The following RAB27B variants were observed in gnomAD, a reference collection of about 807,000 sequenced individuals.
RAB27B encodes the protein RAB27B, member RAS oncogene family.
RAB27B carries 15 observed loss-of-function variants against 24.6 expected under a neutral mutation model. The ratio of observed to expected loss-of-function variants is 0.61; its 90% CI spans 0.41 to 0.94. The LOEUF (loss-of-function observed/expected upper bound fraction) is 0.94. Among genes scored for constraint, RAB27B ranks in the 40% least tolerant of loss-of-function variants. RAB27B has a pLI of 0.00. For missense variants in RAB27B, 261 were observed against 266.8 expected (o/e 0.98, Z 0.15); for synonymous variants, 105 against 92.5 (o/e 1.14, Z -0.78).
Position 54,822,907 on chromosome 18 carries a change from T to G in RAB27B, c.-19-54660T>G, listed in dbSNP as rs149256292. On this transcript the variant is annotated intron_variant, in intron 2 of 4. Transcript: ENST00000586570. ...TTATTTGGGCCTTTCCCACAGCATG[T>G]TCCTCTAACATAAGAAGAAAAAATT... is the stretch of plus-strand genomic sequence containing the variant. 5.5e-3 allele frequency among the ~76,000 whole-genome samples: 831 copies of G among 152,334 alleles called. 9 individuals carry two copies. Among genetic ancestry groups the G allele is most frequent in the African/African-American group, 0.019 (787 of 41,572 alleles).
At chr18:54,822,016 G>A (rs1206361188) in intron 2 of RAB27B, among the ~76,000 whole-genome samples, 1 of 152,140 alleles carries the variant, frequency 6.6e-6, no homozygotes, top group Non-Finnish European at 1.5e-5. Flanking sequence ...ACCTCCCAAA[G>A]TGCTGGGATT....
chr18:54,793,057 C>A (rs947513425), intron 2 of RAB27B, among the ~76,000 whole-genome samples: 5 of 151,258 alleles, frequency 3.3e-5, no homozygotes, highest in African/African-American at 9.7e-5. Context: ...TAAATTGACC[C>A]ATGCAGTTCA....
chr18:54,751,591 C>T (rs1437002802), intron 2 of RAB27B, among the ~76,000 whole-genome samples: 1 of 152,036 alleles, frequency 6.6e-6, no homozygotes, highest in Non-Finnish European at 1.5e-5. Flanking sequence ...TTTAGGAAGT[C>T]ATTGGAATGT....
At chr18:54,789,042 G>T (rs1909174358) in intron 2 of RAB27B, among the ~76,000 whole-genome samples, 1 of 152,162 alleles carries the variant, frequency 6.6e-6, no homozygotes, top group Non-Finnish European at 1.5e-5. Flanking sequence ...ATTTATCCTA[G>T]GTATTGTGCC....
chr18:54,882,830 C>T (rs1978357), intron 3 of RAB27B, among the ~76,000 whole-genome samples: 44,025 of 151,974 alleles, frequency 0.29, 6,469 homozygotes, highest in East Asian at 0.36. Flanking sequence ...CATTACCTTA[C>T]GAGTGATGTC....
In RAB27B at chr18:54,878,385, C is replaced by T. The variant is rs565078145; in HGVS notation, c.153+647C>T. On this transcript the variant is annotated intron_variant, in intron 2 of 5. Coordinates refer to ENST00000262094, the MANE Select transcript of RAB27B (RefSeq NM_004163.4). The stretch of plus-strand genomic sequence containing the variant: ...AGGCACAGAAGCTAGGCCAGATTTA[C>T]TGCCACCCTGGGTATTCTTGATTGC... Among the ~76,000 whole-genome samples the T allele has an allele frequency of 5.9e-5, 9 of 152,318 alleles. No homozygotes were observed. The South Asian group carries it at 1.9e-3, about 32-fold the overall frequency.
At chr18:54,726,913 C>G (rs958109627) in intron 2 of RAB27B, among the ~76,000 whole-genome samples, 17 of 152,120 alleles carry the variant, frequency 1.1e-4, no homozygotes, top group African/African-American at 4.1e-4. Flanking sequence ...AACTAAAAAT[C>G]CATGTTGACC....
chr18:54,754,228 C>T (rs1907929606), intron 2 of RAB27B, among the ~76,000 whole-genome samples: 1 of 152,032 alleles, frequency 6.6e-6, no homozygotes, highest in African/African-American at 2.4e-5. Flanking sequence ...AGTGGTAGCT[C>T]CTCTCTTGTT....
At chr18:54,860,189 C>T (rs988549615) in intron 1 of RAB27B, among the ~76,000 whole-genome samples, 3 of 152,042 alleles carry the variant, frequency 2.0e-5, no homozygotes, top group Admixed American at 2.0e-4. Flanking sequence ...GTTACATACT[C>T]GCGACTGCAG....
intron 1 of RAB27B, among the ~76,000 whole-genome samples, chr18:54,843,294 A>G (rs1911190080): frequency 6.6e-6 from 1 of 152,204 alleles, no homozygotes; most frequent in Non-Finnish European, 1.5e-5. Flanking sequence ...AATGCCCTGT[A>G]GAGTTGATAT....
intron 2 of RAB27B, among the ~76,000 whole-genome samples, chr18:54,743,145 C>T (rs1255226366): frequency 6.6e-6 from 1 of 152,216 alleles, no homozygotes; most frequent in Non-Finnish European, 1.5e-5. Flanking sequence ...TAATTCCACA[C>T]TACTCTGCAG....
intron 1 of RAB27B, among the ~76,000 whole-genome samples, chr18:54,854,767 C>T (rs1911717054): frequency 6.6e-6 from 1 of 152,134 alleles, no homozygotes; most frequent in African/African-American, 2.4e-5. Context: ...CTTTAGTTTA[C>T]ATATAATGTG....
At chr18:54,785,718 G>T (rs920772990) in intron 2 of RAB27B, among the ~76,000 whole-genome samples, 4 of 152,100 alleles carry the variant, frequency 2.6e-5, no homozygotes, top group Non-Finnish European at 4.4e-5. Context: ...GAACATGAAA[G>T]GTATTAAATA....
intron 2 of RAB27B, among the ~76,000 whole-genome samples, chr18:54,769,736 A>G (rs1358870928): frequency 3.9e-5 from 6 of 152,228 alleles, no homozygotes; most frequent in Non-Finnish European, 8.8e-5. Flanking sequence ...TTTGTACTAT[A>G]TAATGTAAAT....
chr18:54,829,580 G>T (rs952132146), intron 1 of RAB27B, among the ~76,000 whole-genome samples: 2 of 152,146 alleles, frequency 1.3e-5, no homozygotes, highest in Admixed American at 6.5e-5. Context: ...TCTGAATTTT[G>T]ATTTTGTTCT....
intron 1 of RAB27B, among the ~76,000 whole-genome samples, chr18:54,832,338 GAAGA>G (rs1209298974): frequency 2.0e-5 from 3 of 152,226 alleles, no homozygotes; most frequent in African/African-American, 7.2e-5. Flanking sequence ...GATTCCTACT[GAAGA>G]CACTGGGTAG....
chr18:54,735,094 T>C (rs1302507780), intron 2 of RAB27B, among the ~76,000 whole-genome samples: 2 of 152,178 alleles, frequency 1.3e-5, no homozygotes, highest in Non-Finnish European at 2.9e-5. Flanking sequence ...ATATCTACCA[T>C]AAATCTTTGG....
chr18:54,737,131 C>G (rs1423489915), intron 2 of RAB27B, among the ~76,000 whole-genome samples: 6 of 151,942 alleles, frequency 3.9e-5, no homozygotes, highest in Admixed American at 3.9e-4. Context: ...GAAAAAAAAA[C>G]TACTTACATA....
chr18:54,797,268 A>G (rs539027621), intron 2 of RAB27B, among the ~76,000 whole-genome samples: 1 of 152,240 alleles, frequency 6.6e-6, no homozygotes, highest in South Asian at 2.1e-4. Context: ...GCTTATAGGC[A>G]CTCTTCTAGC....
Sources: allele counts gnomAD v4.1 joint callset (sites outside exome capture counted in the v4.1 genomes callset), GRCh38; gene constraint gnomAD v4.1.1; transcripts MANE v1.5; gene names NCBI Gene and HGNC (gene_info 2026-07-23, HGNC 2026-07-21).